Variants in PHACTR1 observed in about 807,000 individuals in gnomAD.
PHACTR1 encodes the protein phosphatase and actin regulator 1.
PHACTR1 carries 16 observed loss-of-function variants against 69.2 expected under a neutral mutation model. That is an observed-to-expected ratio of 0.23 (90% CI 0.16 to 0.35). The LOEUF (loss-of-function observed/expected upper bound fraction) is 0.35. PHACTR1 is among the 10% of genes least tolerant of loss of function. The pLI, the probability that PHACTR1 is intolerant of heterozygous loss-of-function variation, is 1.00. For synonymous variants in PHACTR1, 312 were observed against 284.5 expected (o/e 1.10, Z -0.97); for missense variants, 510 against 734.7 (o/e 0.69, Z 3.54).
At chr6:12,841,924 A>T (rs1778738588) in intron 4 of PHACTR1, among the ~76,000 whole-genome samples, 1 of 151,822 alleles carries the variant, frequency 6.6e-6, no homozygotes, top group Admixed American at 6.6e-5. Context: ...ACCTTTATTT[A>T]AAAAAAAGGT....
chr6:12,837,554 A>G (rs1778282267), intron 4 of PHACTR1, among the ~76,000 whole-genome samples: 1 of 152,196 alleles, frequency 6.6e-6, no homozygotes, highest in Non-Finnish European at 1.5e-5. Context: ...TCTGAAAAAT[A>G]AAGATAAGGA....
At chr6:12,923,845 G>A (rs968350642) in intron 4 of PHACTR1, among the ~76,000 whole-genome samples, 3 of 152,222 alleles carry the variant, frequency 2.0e-5, no homozygotes, top group Non-Finnish European at 2.9e-5. Context: ...GTAGTGTAAG[G>A]AAGTGAGAGA....
chr6:13,194,826 C>T (rs1055520149), intron 7 of PHACTR1, among the ~76,000 whole-genome samples: 3 of 151,824 alleles, frequency 2.0e-5, no homozygotes, highest in Non-Finnish European at 2.9e-5. Flanking sequence ...TTGTAGAAAG[C>T]GGCTCTGAAA....
intron 4 of PHACTR1, among the ~76,000 whole-genome samples, chr6:12,858,699 G>C (rs913353465): frequency 4.6e-5 from 7 of 152,034 alleles, no homozygotes; most frequent in Non-Finnish European, 8.8e-5. Context: ...GGTAGGCTGA[G>C]GTGGGAGGAT....
chr6:12,830,803 C>A (rs1777482726), intron 4 of PHACTR1, among the ~76,000 whole-genome samples: 1 of 151,804 alleles, frequency 6.6e-6, no homozygotes, highest in African/African-American at 2.4e-5. Flanking sequence ...ATCATGTTGG[C>A]CAGGCTGGTC....
rs143787723 is a variant in PHACTR1 at position 12,825,901 on chromosome 6, T to TGAAAA, written c.250+76136_250+76140dup. ...GGAGATAAACATTACAAATAACACATGAAAAGAAAAGAAAAGAAAAGAAAA... is the reference window on the plus strand; with the variant it reads ...GGAGATAAACATTACAAATAACACATGAAAAGAAAAGAAAAGAAAAGAAAAGAAAA... On this transcript the variant is annotated intron_variant, in intron 4 of 14. Coordinates refer to ENST00000332995, the MANE Select transcript of PHACTR1 (RefSeq NM_030948.6). Among the ~76,000 whole-genome samples the TGAAAA allele has an allele frequency of 8.9e-3, 1,358 of 151,912 alleles. 12 individuals are homozygous for TGAAAA. The highest frequency in any genetic ancestry group is 0.012 in the Non-Finnish European group (808 of 67,956).
intron 5 of PHACTR1, among the ~76,000 whole-genome samples, chr6:13,143,627 C>T (rs1158557854): frequency 6.6e-6 from 1 of 151,986 alleles, no homozygotes. Flanking sequence ...GATACTGCTA[C>T]CCCTGGTGCT....
At chr6:12,781,281 T>C (rs554707946) in intron 4 of PHACTR1, among the ~76,000 whole-genome samples, 37 of 152,264 alleles carry the variant, frequency 2.4e-4, no homozygotes, top group African/African-American at 8.2e-4. Context: ...CCCTGTTCTG[T>C]GATAACTTTA....
chr6:12,880,231 T>C (rs1016783296), intron 4 of PHACTR1, among the ~76,000 whole-genome samples: 3 of 624 alleles, frequency 4.8e-3, no homozygotes, highest in Non-Finnish European at 0.034. Flanking sequence ...CTTTTTTTTC[T>C]TTTTTTTTTT....
At position 13,106,888 on chromosome 6, in the gene PHACTR1, A is replaced by G. The variant is rs559408123; in HGVS notation, c.416-53316A>G. Among the ~76,000 whole-genome samples, 4 of 152,318 alleles carry G rather than the reference A, an allele frequency of 2.6e-5. No homozygotes were observed. The East Asian group carries it at 7.7e-4, about 29-fold the overall frequency. On this transcript the variant is annotated intron_variant, in intron 5 of 14. Coordinates refer to ENST00000332995, the MANE Select transcript of PHACTR1 (RefSeq NM_030948.6). ...ACCTTGCATGACCGTGATAAACACC[A>G]GTCAGTTTAAATATTTTGGTTTATA...
intron 4 of PHACTR1, among the ~76,000 whole-genome samples, chr6:12,813,994 A>G (rs929573261): frequency 1.3e-5 from 2 of 152,230 alleles, no homozygotes; most frequent in African/African-American, 2.4e-5. Flanking sequence ...GTGGATGCCC[A>G]GTTCTGAGCA....
intron 6 of PHACTR1, among the ~76,000 whole-genome samples, chr6:13,166,351 T>C (rs1490805030): frequency 1.3e-5 from 2 of 152,236 alleles, no homozygotes; most frequent in African/African-American, 4.8e-5. Flanking sequence ...TTTTCTTGCC[T>C]ATCTCTCCTC....
At chr6:12,857,472 G>A (rs1414115388) in intron 4 of PHACTR1, among the ~76,000 whole-genome samples, 1 of 152,034 alleles carries the variant, frequency 6.6e-6, no homozygotes, top group Non-Finnish European at 1.5e-5. Flanking sequence ...GTGTGGTGGT[G>A]CGTGCCTTTA....
intron 7 of PHACTR1, among the ~76,000 whole-genome samples, chr6:13,205,424 A>T (rs1765764043): frequency 6.6e-6 from 1 of 152,168 alleles, no homozygotes; most frequent in African/African-American, 2.4e-5. Flanking sequence ...GCAGGGACAA[A>T]CTGCATCCAA....
intron 5 of PHACTR1, among the ~76,000 whole-genome samples, chr6:13,124,673 A>G (rs1485777342): frequency 1.3e-5 from 2 of 152,190 alleles, no homozygotes; most frequent in African/African-American, 2.4e-5. Flanking sequence ...AACAACAGAA[A>G]TTTATTTCTC....
At chr6:13,008,501 A>G (rs1253668965) in intron 4 of PHACTR1, among the ~76,000 whole-genome samples, 1 of 152,178 alleles carries the variant, frequency 6.6e-6, no homozygotes, top group Non-Finnish European at 1.5e-5. Flanking sequence ...CGAAATATAA[A>G]TGTATTATAT....
chr6:13,085,150 G>GGT (rs1251238093), intron 5 of PHACTR1, among the ~76,000 whole-genome samples: 4 of 151,752 alleles, frequency 2.6e-5, no homozygotes, highest in Non-Finnish European at 5.9e-5. Flanking sequence ...ATTTGATAAA[G>GGT]TTTAACTCCA....
chr6:12,731,863 A>G (rs570295), intron 3 of PHACTR1, among the ~76,000 whole-genome samples: 102,619 of 152,094 alleles, frequency 0.67, 35,450 homozygotes, highest in East Asian at 0.95. Flanking sequence ...AGATGCTCAC[A>G]TGTCGCCACA....
intron 4 of PHACTR1, among the ~76,000 whole-genome samples, chr6:13,037,791 A>G (rs1803533731): frequency 1.3e-5 from 2 of 152,244 alleles, no homozygotes; most frequent in Non-Finnish European, 2.9e-5. Flanking sequence ...GGCAAGTAAC[A>G]AAAGTCAGAA....
Sources: allele counts gnomAD v4.1 joint callset (sites outside exome capture counted in the v4.1 genomes callset), GRCh38; gene constraint gnomAD v4.1.1; transcripts MANE v1.5; gene names NCBI Gene and HGNC (gene_info 2026-07-23, HGNC 2026-07-21).